ABTB3: variants seen among roughly 807,000 people sequenced by gnomAD.
ABTB3 encodes the protein ankyrin repeat- and BTB/POZ domain-containing protein 3.
chr12:107,616,968 C>T, the ABTB3 span: 3 of 976,814 alleles, frequency 3.1e-6, no homozygotes, highest in Non-Finnish European at 3.2e-6. Flanking sequence ...CCTGTGCACG[C>T]TGTCACCAAC....
At chr12:107,453,627 T>A in the ABTB3 span, among the ~76,000 whole-genome samples, 2 of 152,218 alleles carry the variant, frequency 1.3e-5, no homozygotes, top group Non-Finnish European at 2.9e-5. Flanking sequence ...TTTTGTTATA[T>A]CAGCCCGAAT....
chr12:107,433,081 C>T, the ABTB3 span, among the ~76,000 whole-genome samples: 4 of 150,292 alleles, frequency 2.7e-5, no homozygotes, highest in East Asian at 2.0e-4. Flanking sequence ...GTCAGGAGAT[C>T]GAGACCATCC....
chr12:107,491,827 A>G, the ABTB3 span, among the ~76,000 whole-genome samples: 12 of 151,868 alleles, frequency 7.9e-5, no homozygotes, highest in African/African-American at 2.7e-4. Context: ...TGTCTCAAAA[A>G]AAAAAAAAAA....
At chr12:107,565,521 A>G in the ABTB3 span, among the ~76,000 whole-genome samples, 4 of 152,232 alleles carry the variant, frequency 2.6e-5, no homozygotes, top group African/African-American at 7.2e-5. Flanking sequence ...TGCCTTCTCC[A>G]TGCACCTTGC....
At chr12:107,572,967 G>A in the ABTB3 span, among the ~76,000 whole-genome samples, 1 of 152,096 alleles carries the variant, frequency 6.6e-6, no homozygotes, top group African/African-American at 2.4e-5. Context: ...CGTGCGTCTG[G>A]GCACTATCTG....
At chr12:107,414,316 C>G in the ABTB3 span, among the ~76,000 whole-genome samples, 1 of 152,150 alleles carries the variant, frequency 6.6e-6, no homozygotes, top group Non-Finnish European at 1.5e-5. Context: ...TGCCATTCTA[C>G]AGAACGTGAT....
chr12:107,476,100 C>A, the ABTB3 span, among the ~76,000 whole-genome samples: 1 of 152,174 alleles, frequency 6.6e-6, no homozygotes, highest in Non-Finnish European at 1.5e-5. Flanking sequence ...TTGAAACCAC[C>A]ACTTCCTTTG....
the ABTB3 span, among the ~76,000 whole-genome samples, chr12:107,426,112 C>T: frequency 6.6e-6 from 1 of 151,534 alleles, no homozygotes; most frequent in African/African-American, 2.4e-5. Context: ...TTCGACTCCT[C>T]TCCTGGGTGT....
chr12:107,617,387 C>T, the ABTB3 span: 1 of 1,614,156 alleles, frequency 6.2e-7, no homozygotes, highest in Non-Finnish European at 8.5e-7. Flanking sequence ...TTCTACAACC[C>T]CCCAGGGTGA....
the ABTB3 span, among the ~76,000 whole-genome samples, chr12:107,350,435 C>A: frequency 6.6e-6 from 1 of 151,890 alleles, no homozygotes; most frequent in Non-Finnish European, 1.5e-5. Flanking sequence ...CGCCGGTAGT[C>A]CCAGCTACTG....
chr12:107,561,813 T>C, the ABTB3 span, among the ~76,000 whole-genome samples: 57,652 of 151,818 alleles, frequency 0.38, 11,091 homozygotes, highest in African/African-American at 0.39. Flanking sequence ...TCACACAGAA[T>C]CCCCTGAAAC....
At chr12:107,624,295 A>T in the ABTB3 span, among the ~76,000 whole-genome samples, 1 of 151,918 alleles carries the variant, frequency 6.6e-6, no homozygotes, top group Non-Finnish European at 1.5e-5. Flanking sequence ...ATAATTGTAG[A>T]TTCATGAAGT....
At chr12:107,483,218 G>C in the ABTB3 span, among the ~76,000 whole-genome samples, 3 of 151,940 alleles carry the variant, frequency 2.0e-5, no homozygotes, top group Non-Finnish European at 4.4e-5. Flanking sequence ...GCTGGGAGGA[G>C]GTTTTGGAGA....
At chr12:107,605,346 A>G in the ABTB3 span, among the ~76,000 whole-genome samples, 1 of 152,212 alleles carries the variant, frequency 6.6e-6, no homozygotes, top group African/African-American at 2.4e-5. Flanking sequence ...AATAGTCACA[A>G]ACTGTGAAAA....
At chr12:107,491,961 G>A in the ABTB3 span, among the ~76,000 whole-genome samples, 2 of 151,774 alleles carry the variant, frequency 1.3e-5, no homozygotes, top group Non-Finnish European at 2.9e-5. Flanking sequence ...TCAGAGGGCT[G>A]CTGAGCAAGG....
the ABTB3 span, among the ~76,000 whole-genome samples, chr12:107,469,517 T>C: frequency 1.1e-4 from 16 of 152,314 alleles, no homozygotes; most frequent in Non-Finnish European, 1.9e-4. Context: ...AGGTGATGCA[T>C]GTCGGTTACT....
At chr12:107,447,814 C>A in the ABTB3 span, among the ~76,000 whole-genome samples, 5 of 152,134 alleles carry the variant, frequency 3.3e-5, no homozygotes, top group African/African-American at 1.2e-4. Flanking sequence ...TTCATGAAGA[C>A]CTCCTGCAAG....
At chr12:107,319,971 C>T in the ABTB3 span, 2 of 1,583,652 alleles carry the variant, frequency 1.3e-6, no homozygotes, top group Admixed American at 1.7e-5. Context: ...CACGAGGCGC[C>T]CAAGTTCACC....
At chr12:107,438,294 A>C in the ABTB3 span, among the ~76,000 whole-genome samples, 3 of 152,126 alleles carry the variant, frequency 2.0e-5, no homozygotes, top group South Asian at 2.1e-4. Context: ...AGTGGGAGAG[A>C]TCACCTATAA....
Sources: allele counts gnomAD v4.1 joint callset (sites outside exome capture counted in the v4.1 genomes callset), GRCh38; gene constraint gnomAD v4.1.1; transcripts MANE v1.5; gene names NCBI Gene and HGNC (gene_info 2026-07-23, HGNC 2026-07-21).